Variants in CPQ observed in about 807,000 individuals in gnomAD.
The protein encoded by CPQ is Ser-Met dipeptidase.
Under a neutral mutation model 45.7 loss-of-function variants are expected in CPQ, and 37 were observed. That is an observed-to-expected ratio of 0.81 (90% confidence interval 0.62 to 1.07). The LOEUF is 1.07. Among genes scored for constraint, CPQ ranks in the 50% least tolerant of loss-of-function variants. The pLI, the probability that CPQ is intolerant of heterozygous loss-of-function variation, is 0.00. For missense variants in CPQ, 537 were observed against 572.9 expected, an observed-to-expected ratio of 0.94 and a Z score of 0.64; for synonymous variants, 186 against 205.8, an observed-to-expected ratio of 0.90 and a Z score of 0.82.
intron 6 of CPQ, 55 bp from the exon 7 acceptor site, chr8:97,065,954 A>G (rs1481793045): frequency 5.8e-6 from 9 of 1,543,076 alleles, no homozygotes; most frequent in Non-Finnish European, 8.0e-6. Context: ...ATAGTTCCCA[A>G]GGAGAAAGCA....
At position 96,695,238 on chromosome 8, in the gene CPQ, T is replaced by C. The variant is rs1226471019; in HGVS notation, c.-35+49836T>C. On this transcript the variant is annotated intron_variant, in intron 1 of 7. Coordinates refer to ENST00000220763, the MANE Select transcript of CPQ (RefSeq NM_016134.4). The stretch of plus-strand genomic sequence containing the variant: ...GTGCTGGGAAAACTGGCTAGCCATA[T>C]GTAGAAAGCTGAAACTGGATCCCTT... Among the ~76,000 whole-genome samples, 678 of 149,448 alleles carry C rather than the reference T, an allele frequency of 4.5e-3. 2 individuals carry two copies. The highest frequency in any genetic ancestry group is 7.1e-3 in the Admixed American group (105 of 14,878).
chr8:96,956,122 T>C (rs1373687069), intron 4 of CPQ, among the ~76,000 whole-genome samples: 1 of 152,166 alleles, frequency 6.6e-6, no homozygotes, highest in Admixed American at 6.5e-5. Flanking sequence ...TGCAATCTAC[T>C]TATCTGACAA....
At chr8:96,763,344 A>G (rs1810428867) in intron 1 of CPQ, among the ~76,000 whole-genome samples, 1 of 151,720 alleles carries the variant, frequency 6.6e-6, no homozygotes, top group Admixed American at 6.6e-5. Context: ...GCTGCAAAGA[A>G]CCTCCTTTTT....
At chr8:96,761,676 C>G (rs1810407930) in intron 1 of CPQ, among the ~76,000 whole-genome samples, 2 of 152,330 alleles carry the variant, frequency 1.3e-5, no homozygotes, top group South Asian at 4.1e-4. Flanking sequence ...TTTATCATCT[C>G]TAAGCCTCTT....
At chr8:97,053,764 G>A (rs943584320) in intron 6 of CPQ, among the ~76,000 whole-genome samples, 2 of 152,170 alleles carry the variant, frequency 1.3e-5, no homozygotes, top group Admixed American at 6.5e-5. Context: ...GCTTGGTTGA[G>A]AACAGACTAA....
chr8:97,112,734 C>T (rs550617565), intron 7 of CPQ, among the ~76,000 whole-genome samples: 12 of 152,206 alleles, frequency 7.9e-5, no homozygotes, highest in South Asian at 4.2e-4. Flanking sequence ...ACTGGACAGG[C>T]GGGAAGACAG....
intron 2 of CPQ, among the ~76,000 whole-genome samples, chr8:96,823,058 G>T (rs1041463245): frequency 1.3e-5 from 2 of 151,912 alleles, no homozygotes; most frequent in African/African-American, 4.8e-5. Context: ...AGCCTACCTC[G>T]TCATCCAGGA....
intron 1 of CPQ, among the ~76,000 whole-genome samples, chr8:96,763,446 T>C (rs144279410): frequency 6.6e-6 from 1 of 152,316 alleles, no homozygotes; most frequent in African/African-American, 2.4e-5. Context: ...CACTGAACTA[T>C]TTGTCTATCT....
rs5893399 is a variant in CPQ, at chr8:96,800,976, AT to A, written c.433+15663del. ...TAATTAACTGAACACTCTGAATTTG[AT>A]TTTTTTTTTTTTTTTTGAGACAGGG... On this transcript the variant is annotated intron_variant, in intron 2 of 7. Coordinates refer to ENST00000220763, the MANE Select transcript of CPQ (RefSeq NM_016134.4). Among the ~76,000 whole-genome samples the A allele has an allele frequency of 8.6e-3, 1,197 of 139,626 alleles. 11 individuals are homozygous for A. The highest frequency in any genetic ancestry group is 0.026 in the African/African-American group (980 of 37,574). The allele number at this position is 139,626 out of a possible 152,430, so 91.6% of individuals were successfully genotyped here.
chr8:96,681,762 G>C (rs543060317), intron 1 of CPQ, among the ~76,000 whole-genome samples: 3 of 152,312 alleles, frequency 2.0e-5, no homozygotes, highest in African/African-American at 7.2e-5. Flanking sequence ...CCAGGAGGGG[G>C]GCTATACCCT....
chr8:97,035,768 C>T (rs1026132821), intron 6 of CPQ, among the ~76,000 whole-genome samples: 3 of 152,036 alleles, frequency 2.0e-5, no homozygotes, highest in Admixed American at 1.3e-4. Flanking sequence ...AGTGCAGTGG[C>T]GCGATCTCGG....
chr8:97,072,277 T>C (rs1411456185), intron 7 of CPQ, among the ~76,000 whole-genome samples: 1 of 152,106 alleles, frequency 6.6e-6, no homozygotes, highest in Non-Finnish European at 1.5e-5. Flanking sequence ...ATTGGGTAAA[T>C]AATTAAAAGT....
At chr8:96,896,836 A>G (rs1020623922) in intron 4 of CPQ, among the ~76,000 whole-genome samples, 2 of 152,206 alleles carry the variant, frequency 1.3e-5, no homozygotes, top group Non-Finnish European at 2.9e-5. Flanking sequence ...AATGAATGAA[A>G]GAAAAGTTAT....
At chr8:97,098,570 G>A (rs892903257) in intron 7 of CPQ, among the ~76,000 whole-genome samples, 2 of 152,068 alleles carry the variant, frequency 1.3e-5, no homozygotes, top group African/African-American at 2.4e-5. Context: ...ATAACCCAGA[G>A]CCATATTCCT....
chr8:97,018,596 T>G (rs1341362193), intron 5 of CPQ, among the ~76,000 whole-genome samples: 1 of 152,026 alleles, frequency 6.6e-6, no homozygotes, highest in Non-Finnish European at 1.5e-5. Context: ...TGCAAAATGC[T>G]CTGGAAAGTC....
chr8:96,976,092 A>G (rs1813775493), intron 5 of CPQ, among the ~76,000 whole-genome samples: 3 of 151,984 alleles, frequency 2.0e-5, no homozygotes, highest in African/African-American at 4.8e-5. Context: ...AGAAAACCCT[A>G]AAGACTCATC....
chr8:96,835,065 C>A lies in CPQ; in HGVS notation c.526C>A (p.Pro176Thr), dbSNP rs1159485264. 1.2e-6 allele frequency: 2 copies of A among 1,613,440 alleles called. No homozygotes were observed. The highest frequency in any genetic ancestry group is 1.7e-6 in the Non-Finnish European group (2 of 1,179,684). ...ARGKIVVYNQPYINYSRTVQY... is the reference protein window; with the variant it reads ...ARGKIVVYNQTYINYSRTVQY... ...AGGGAAGATTGTTGTTTATAACCAA[C>A]CTTACATCAACTACTCAAGGACGGT... Residue 176 changes from proline (P) to threonine (T), a missense_variant, in exon 3 of 8, where the codon CCT becomes ACT. Pro to Thr is a conservative substitution (Grantham distance 38). Coordinates refer to ENST00000220763, the MANE Select transcript of CPQ (RefSeq NM_016134.4).
intron 5 of CPQ, among the ~76,000 whole-genome samples, chr8:96,989,855 A>G (rs1449579698): frequency 2.0e-5 from 3 of 152,124 alleles, no homozygotes; most frequent in African/African-American, 7.2e-5. Context: ...GTGGAACAAT[A>G]TGATTGTTCA....
intron 1 of CPQ, among the ~76,000 whole-genome samples, chr8:96,666,948 A>G (rs913661676): frequency 4.6e-5 from 7 of 152,016 alleles, no homozygotes; most frequent in Non-Finnish European, 1.0e-4. Flanking sequence ...TTTCCCTTCT[A>G]TCAAGTCATT....
Sources: gnomAD v4.1 joint callset for allele counts (sites outside exome capture counted in the v4.1 genomes callset) on GRCh38, gnomAD v4.1.1 for gene constraint, MANE v1.5 for transcripts, NCBI Gene and HGNC (gene_info 2026-07-23, HGNC 2026-07-21) for gene names.